Variants in DOCK1 observed in about 807,000 individuals in gnomAD.
DOCK1 encodes the protein dedicator of cytokinesis protein 1.
DOCK1 carries 138 observed loss-of-function variants against 262.7 expected under a neutral mutation model. The ratio of observed to expected loss-of-function variants is 0.53; its 90% CI spans 0.46 to 0.61. The LOEUF (loss-of-function observed/expected upper bound fraction) is 0.61, where lower values mean the gene tolerates loss of function less well. Ranked by LOEUF, DOCK1 falls within the 20% of genes least tolerant of loss-of-function variation. DOCK1 has a pLI of 0.00. For synonymous variants in DOCK1, 866 were observed against 867.4 expected, an observed-to-expected ratio of 1.00 and a Z score of 0.03; for missense variants, 1,908 against 2,370.7, an observed-to-expected ratio of 0.80 and a Z score of 4.05.
At chr10:126,945,472 GGAGA>G (rs1246507350) in intron 1 of DOCK1, among the ~76,000 whole-genome samples, 9 of 149,440 alleles carry the variant, frequency 6.0e-5, no homozygotes, top group Admixed American at 6.7e-5. Context: ...AGAGAGAGAG[GGAGA>G]GAGAGAGAGA....
rs1187483991 is a variant in DOCK1 at position 126,995,400 on chromosome 10, A to ATC, written c.474-1348_474-1347insTC. Among the ~76,000 whole-genome samples, 1 of 152,198 alleles carries ATC rather than the reference A, an allele frequency of 6.6e-6. No individual in the cohort carries two copies. The highest frequency in any genetic ancestry group is 2.4e-5 in the African/African-American group (1 of 41,460). On this transcript the variant is annotated intron_variant, in intron 6 of 51. Coordinates refer to ENST00000623213, the MANE Select transcript of DOCK1 (RefSeq NM_001290223.2). The surrounding 1 kb of genome is among the most constrained non-coding windows in gnomAD (Gnocchi z 5.8). ...CTGTCTGCAATCCCAGCACCTCGGG[A>ATC]GGCTGAGGCTGGCAGATCACTCACG... is the stretch of plus-strand genomic sequence containing the variant.
chr10:127,214,384 A>G (rs967464987), intron 27 of DOCK1, among the ~76,000 whole-genome samples: 6 of 152,320 alleles, frequency 3.9e-5, no homozygotes, highest in Admixed American at 1.3e-4. Flanking sequence ...TCCTTAAACA[A>G]TATGTTCTTA....
chr10:127,036,122 C>T (rs2043597446), intron 18 of DOCK1, among the ~76,000 whole-genome samples: 1 of 152,206 alleles, frequency 6.6e-6, no homozygotes, highest in Non-Finnish European at 1.5e-5. Flanking sequence ...AGGCATTCTG[C>T]TAAGTGCTTT....
chr10:127,084,207 T>A (rs759606450), intron 23 of DOCK1, among the ~76,000 whole-genome samples: 1 of 152,222 alleles, frequency 6.6e-6, no homozygotes, highest in Non-Finnish European at 1.5e-5. Context: ...ATTAGGAAGA[T>A]CATGCATAAA....
intron 29 of DOCK1, among the ~76,000 whole-genome samples, chr10:127,266,493 A>G (rs925212708): frequency 3.9e-5 from 6 of 151,914 alleles, no homozygotes; most frequent in Admixed American, 3.9e-4. Flanking sequence ...ACACACACAC[A>G]CACACACACA....
At chr10:127,285,716 C>T (rs1280369701) in intron 29 of DOCK1, among the ~76,000 whole-genome samples, 1 of 152,184 alleles carries the variant, frequency 6.6e-6, no homozygotes, top group Admixed American at 6.5e-5. Flanking sequence ...CACTGGTAGT[C>T]CCTATGGAGC....
Position 127,410,986 on chromosome 10 carries a change from C to A in DOCK1, c.4428+62C>A. 2.6e-6 allele frequency: 4 copies of A among 1,534,506 alleles called. No individual in the cohort carries two copies. In the South Asian group the frequency reaches 3.5e-5, roughly 14 times the overall value. On this transcript the variant is annotated intron_variant, in intron 43 of 51. Transcript: ENST00000623213. ...AAATATCATTCCGCCACCAGTAGAA[C>A]TGCCACTGGAGAAGCGTGGCCTCAG...
chr10:127,116,917 A>G (rs2049219784), intron 25 of DOCK1, among the ~76,000 whole-genome samples: 1 of 152,232 alleles, frequency 6.6e-6, no homozygotes, highest in Admixed American at 6.5e-5. Flanking sequence ...ATTCTTTTAA[A>G]TAATGGTGGA....
intron 23 of DOCK1, among the ~76,000 whole-genome samples, chr10:127,068,792 CAT>C (rs759893054): frequency 7.2e-5 from 11 of 152,054 alleles, no homozygotes; most frequent in Non-Finnish European, 1.2e-4. Flanking sequence ...TATAAATTCT[CAT>C]GTGTATACAC....
chr10:127,029,197 AC>A (rs1490547789), intron 16 of DOCK1, among the ~76,000 whole-genome samples: 1 of 152,194 alleles, frequency 6.6e-6, no homozygotes, highest in Non-Finnish European at 1.5e-5. Context: ...GATTTTGGAA[AC>A]ATGTTGAGCA....
At chr10:127,066,345 A>G (rs1047139977) in intron 23 of DOCK1, among the ~76,000 whole-genome samples, 2 of 152,138 alleles carry the variant, frequency 1.3e-5, no homozygotes, top group African/African-American at 4.8e-5. Flanking sequence ...TCGTCTTGAA[A>G]TTAGGGCAGA....
chr10:127,292,458 C>A (rs1019358858), intron 29 of DOCK1, among the ~76,000 whole-genome samples: 1 of 152,124 alleles, frequency 6.6e-6, no homozygotes, highest in Non-Finnish European at 1.5e-5. Context: ...GCCTTTCTGG[C>A]TGTTTACAAG....
At chr10:126,916,356 G>A (rs2032493284) in intron 1 of DOCK1, among the ~76,000 whole-genome samples, 1 of 152,214 alleles carries the variant, frequency 6.6e-6, no homozygotes, top group Admixed American at 6.5e-5. Flanking sequence ...GTTTTAAATT[G>A]GAAAAGGACA....
chr10:127,251,742 T>C (rs966572093), intron 28 of DOCK1, among the ~76,000 whole-genome samples: 2 of 150,146 alleles, frequency 1.3e-5, no homozygotes, highest in Non-Finnish European at 1.5e-5. Context: ...TAGTATTCCA[T>C]GGTGTATATG....
intron 46 of DOCK1, among the ~76,000 whole-genome samples, chr10:127,420,124 T>C (rs1291209511): frequency 6.6e-6 from 1 of 152,254 alleles, no homozygotes; most frequent in Admixed American, 6.5e-5. Context: ...GTGCAGTCCC[T>C]GTGAAACGCA....
intron 1 of DOCK1, among the ~76,000 whole-genome samples, chr10:126,950,056 A>AT (rs1440154475): frequency 0.3 from 44,384 of 149,434 alleles, 6,843 homozygotes; most frequent in Middle Eastern, 0.42. Context: ...TCTAAGCCTC[A>AT]TTTTTTTTTT....
In DOCK1 at chr10:127,175,718, C is replaced by T; in HGVS notation, c.2847+47954C>T. The stretch of plus-strand genomic sequence containing the variant: ...GCCTCCCCCGGTCCTGCTTGGCCCT[C>T]CCGAGCAGCTGGTAATCGGGCTCTT... On this transcript the variant is annotated intron_variant, in intron 27 of 51. Coordinates refer to ENST00000623213, the MANE Select transcript of DOCK1 (RefSeq NM_001290223.2). The surrounding 1 kb of genome is among the most constrained non-coding windows in gnomAD (Gnocchi z 6.3). 1.2e-6 allele frequency: 2 copies of T among 1,614,018 alleles called. No individual in the cohort carries two copies. The highest frequency in any genetic ancestry group is 1.7e-6 in the Non-Finnish European group (2 of 1,180,018).
At chr10:126,959,574 G>C (rs2037029590) in intron 1 of DOCK1, among the ~76,000 whole-genome samples, 1 of 152,168 alleles carries the variant, frequency 6.6e-6, no homozygotes, top group African/African-American at 2.4e-5. Context: ...TGACGTGCCA[G>C]GCTGCATCTT....
chr10:126,996,659 C>T (rs1039193126), intron 6 of DOCK1, 89 bp from the exon 7 acceptor site: 2 of 1,327,264 alleles, frequency 1.5e-6, no homozygotes, highest in African/African-American at 3.0e-5. Flanking sequence ...GTTGTTTTTA[C>T]CTGCCCAGTT....
Sources: allele counts gnomAD v4.1 joint callset (sites outside exome capture counted in the v4.1 genomes callset), GRCh38; gene constraint gnomAD v4.1.1; non-coding constraint Gnocchi (gnomAD v3.1); transcripts MANE v1.5; gene names NCBI Gene and HGNC (gene_info 2026-07-23, HGNC 2026-07-21).